Variants in NBEAL1 observed in about 807,000 individuals in gnomAD.
NBEAL1 encodes the protein neurobeachin-like protein 1.
Under a neutral mutation model 351.3 loss-of-function variants are expected in NBEAL1, and 273 were observed. That is an observed-to-expected ratio of 0.78 (90% CI 0.70 to 0.86). The LOEUF (loss-of-function observed/expected upper bound fraction) is 0.86. NBEAL1 is among the 40% of genes least tolerant of loss of function. The pLI is 0.00. For synonymous variants in NBEAL1, 1,050 were observed against 1,086.4 expected, an observed-to-expected ratio of 0.97 and a Z score of 0.66; for missense variants, 2,961 against 3,201.3, an observed-to-expected ratio of 0.92 and a Z score of 1.81.
At chr2:203,191,406 A>G (rs571272211) in intron 46 of NBEAL1, 3 of 574,780 alleles carry the variant, frequency 5.2e-6, no homozygotes, top group Non-Finnish European at 9.2e-6. Context: ...TTCTTTCCCT[A>G]TACTGGTATC....
chr2:203,176,343 T>C (rs71425983), intron 42 of NBEAL1, among the ~76,000 whole-genome samples: 3,636 of 152,044 alleles, frequency 0.024, 59 homozygotes, highest in East Asian at 0.073. Flanking sequence ...TTGCCCAGGC[T>C]GGTCTTGAAC....
At chr2:203,172,080 A>G (rs543522560) in intron 40 of NBEAL1, 57 bp downstream of exon 40, 8 of 955,350 alleles carry the variant, frequency 8.4e-6, no homozygotes, top group African/African-American at 1.7e-5. Flanking sequence ...TATAAATCAC[A>G]TAAGTATATA....
chr2:203,039,036 C>G (rs1291615428), intron 2 of NBEAL1, among the ~76,000 whole-genome samples: 2 of 148,204 alleles, frequency 1.3e-5, no homozygotes, highest in African/African-American at 4.9e-5. Context: ...TGATTAATAC[C>G]AGTTATCTTT....
At chr2:203,110,095 A>T in intron 14 of NBEAL1, 55 bp from the exon 15 acceptor site, 1 of 1,470,350 alleles carries the variant, frequency 6.8e-7, no homozygotes, top group Non-Finnish European at 9.1e-7. Flanking sequence ...TACTTTAATG[A>T]TGATGAAACT....
At chr2:203,093,509 A>G (rs1192567878) in intron 10 of NBEAL1, among the ~76,000 whole-genome samples, 1 of 152,172 alleles carries the variant, frequency 6.6e-6, no homozygotes, top group African/African-American at 2.4e-5. Context: ...GATACCACCT[A>G]TCACATTTTG....
intron 2 of NBEAL1, among the ~76,000 whole-genome samples, chr2:203,025,900 A>G (rs543752039): frequency 1.5e-4 from 23 of 150,478 alleles, no homozygotes; most frequent in Admixed American, 1.2e-3. Flanking sequence ...TTATCCCATC[A>G]TTTTCCTTTT....
At chr2:203,201,513 G>A (rs1419703612) in intron 49 of NBEAL1, 30 bp from the exon 50 acceptor site, 2 of 1,475,798 alleles carry the variant, frequency 1.4e-6, no homozygotes, top group East Asian at 2.3e-5. Flanking sequence ...ATCTTGTAAG[G>A]AAAAGTCTGA....
intron 43 of NBEAL1, 106 bp from the exon 44 acceptor site, chr2:203,183,173 A>G (rs2064782426): frequency 1.8e-6 from 1 of 567,802 alleles, no homozygotes; most frequent in Non-Finnish European, 3.1e-6. Flanking sequence ...AGAATTTTAA[A>G]AGAAAAAATA....
intron 37 of NBEAL1, among the ~76,000 whole-genome samples, 154 bp downstream of exon 37, chr2:203,166,451 G>A (rs2064134230): frequency 6.6e-6 from 1 of 152,198 alleles, no homozygotes; most frequent in Admixed American, 6.5e-5. Context: ...ATTCACCAAG[G>A]TGTGGAAGGG....
At chr2:203,206,202 G>A (rs1167937223) in intron 51 of NBEAL1, among the ~76,000 whole-genome samples, 1 of 152,042 alleles carries the variant, frequency 6.6e-6, no homozygotes, top group African/African-American at 2.4e-5. Flanking sequence ...GAAAACGAAG[G>A]TTGCAGAAGA....
intron 29 of NBEAL1, among the ~76,000 whole-genome samples, 196 bp from the exon 30 acceptor site, chr2:203,137,966 A>AC (rs1419394603): frequency 6.6e-6 from 1 of 151,186 alleles, no homozygotes; most frequent in African/African-American, 2.4e-5. Flanking sequence ...CCTGGGCGAC[A>AC]AGAGCGATCT....
intron 24 of NBEAL1, among the ~76,000 whole-genome samples, chr2:203,128,984 C>T (rs966959436): frequency 7.2e-5 from 11 of 152,266 alleles, no homozygotes; most frequent in African/African-American, 2.2e-4. Flanking sequence ...TACATTATCC[C>T]GTTTAATCCT....
Position 203,062,297 on chromosome 2 carries a change from T to C in NBEAL1, c.515+4844T>C. 2.1e-6 allele frequency: 1 copy of C among 475,096 alleles called. No homozygotes were observed. Among genetic ancestry groups the C allele is most frequent in the South Asian group, 1.5e-5 (1 of 66,202 alleles). The allele number at this position is 475,096 out of a possible 1,614,324, so 29.4% of individuals were successfully genotyped here. ...TCTGTAGAAGCCAAATTCCTGAAGGTTTCCTGCGTCACATCTCTATAAGAG... is the reference window on the plus strand; with the variant it reads ...TCTGTAGAAGCCAAATTCCTGAAGGCTTCCTGCGTCACATCTCTATAAGAG... On this transcript the variant is annotated intron_variant, in intron 6 of 55. Transcript: ENST00000683969. This position sits in a 1 kb window ranked among gnomAD's most constrained non-coding sequence, Gnocchi z 4.2.
At chr2:203,136,360 T>G (rs540827863) in intron 28 of NBEAL1, 108 bp downstream of exon 28, 2 of 913,448 alleles carry the variant, frequency 2.2e-6, no homozygotes, top group African/African-American at 3.4e-5. Flanking sequence ...ATTGTATTCA[T>G]GTTCTAAGTT....
At chr2:203,072,311 C>T (rs1277847448) in intron 7 of NBEAL1, among the ~76,000 whole-genome samples, 2 of 152,014 alleles carry the variant, frequency 1.3e-5, no homozygotes, top group African/African-American at 4.8e-5. Context: ...CATTCCTGGC[C>T]TCACTGAGCT....
At chr2:203,083,615 A>C (rs544541953) in intron 9 of NBEAL1, 90 bp downstream of exon 9, 47 of 1,008,032 alleles carry the variant, frequency 4.7e-5, no homozygotes, top group Non-Finnish European at 6.1e-5. Context: ...CATTGTATGG[A>C]AAGTATTGAT....
intron 4 of NBEAL1, among the ~76,000 whole-genome samples, chr2:203,055,322 G>A (rs2061386683): frequency 6.6e-6 from 1 of 152,044 alleles, no homozygotes; most frequent in Non-Finnish European, 1.5e-5. Flanking sequence ...CTTTTGGTTG[G>A]GTGGGTGTGG....
intron 35 of NBEAL1, among the ~76,000 whole-genome samples, chr2:203,151,955 T>C (rs945153774): frequency 1.3e-5 from 2 of 152,014 alleles, no homozygotes; most frequent in Non-Finnish European, 2.9e-5. Context: ...TCCTTTTTTT[T>C]CTTTTCTTTT....
chr2:203,071,061 A>G (rs2061674170), intron 7 of NBEAL1, among the ~76,000 whole-genome samples: 2 of 152,126 alleles, frequency 1.3e-5, no homozygotes, highest in Admixed American at 1.3e-4. Flanking sequence ...CTTTTTATGT[A>G]ATACTGCATT....
Sources: allele counts gnomAD v4.1 joint callset (sites outside exome capture counted in the v4.1 genomes callset), GRCh38; gene constraint gnomAD v4.1.1; non-coding constraint Gnocchi (gnomAD v3.1); transcripts MANE v1.5; gene names NCBI Gene and HGNC (gene_info 2026-07-23, HGNC 2026-07-21).